Variants in VPS13A observed in about 807,000 individuals in gnomAD.
VPS13A encodes vacuolar protein sorting 13 homolog A.
Under a neutral mutation model 390.9 loss-of-function variants are expected in VPS13A, and 264 were observed. The observed-to-expected ratio is 0.68, with a 90% CI of 0.61 to 0.75. VPS13A has a LOEUF of 0.75. VPS13A is among the 30% of genes least tolerant of loss of function. VPS13A has a pLI of 0.00. For synonymous variants in VPS13A, 1,231 were observed against 1,227.1 expected, an observed-to-expected ratio of 1.00 and a Z score of -0.07; for missense variants, 3,409 against 3,733.9, an observed-to-expected ratio of 0.91 and a Z score of 2.27.
intron 13 of VPS13A, among the ~76,000 whole-genome samples, chr9:77,223,967 A>G (rs963731641): frequency 1.3e-5 from 2 of 152,144 alleles, no homozygotes; most frequent in African/African-American, 4.8e-5. Flanking sequence ...TAGTGATTTC[A>G]GGTTGAAGCC....
chr9:77,402,760 A>T (rs1174578702), intron 68 of VPS13A, among the ~76,000 whole-genome samples: 1 of 152,102 alleles, frequency 6.6e-6, no homozygotes, highest in African/African-American at 2.4e-5. Context: ...TCTGCTCTTT[A>T]TTTTTTACTA....
At chr9:77,330,385 C>T (rs76947610) in intron 45 of VPS13A, among the ~76,000 whole-genome samples, 369 of 152,230 alleles carry the variant, frequency 2.4e-3, no homozygotes, top group South Asian at 0.01. Context: ...ATGCTCATTC[C>T]GTTTTCCAGA....
intron 1 of VPS13A, among the ~76,000 whole-genome samples, chr9:77,187,836 G>T (rs1824435472): frequency 6.6e-6 from 1 of 152,124 alleles, no homozygotes; most frequent in Non-Finnish European, 1.5e-5. Flanking sequence ...GTACCCGATA[G>T]ATAGTTTTTT....
chr9:77,274,256 C>A (rs1156430314), intron 24 of VPS13A, among the ~76,000 whole-genome samples: 2 of 151,918 alleles, frequency 1.3e-5, no homozygotes, highest in Admixed American at 1.3e-4. Flanking sequence ...GGTGAAACCC[C>A]ACCTCTACTA....
At chr9:77,234,152 C>T (rs772126177) in intron 17 of VPS13A, among the ~76,000 whole-genome samples, 45 of 152,116 alleles carry the variant, frequency 3.0e-4, no homozygotes, top group Non-Finnish European at 4.6e-4. Flanking sequence ...TCACAGTTTT[C>T]TATTGAAAGA....
At position 77,208,136 on chromosome 9, in the gene VPS13A, TAAAAG is replaced by T. The variant is rs545977124; in HGVS notation, c.386-1280_386-1276del. Among the ~76,000 whole-genome samples, 59 of 152,332 alleles carry T rather than the reference TAAAAG, an allele frequency of 3.9e-4. No homozygotes were observed. In the East Asian group the frequency reaches 0.011, roughly 29 times the overall value. On this transcript the variant is annotated intron_variant, in intron 5 of 71. Coordinates refer to ENST00000360280, the MANE Select transcript of VPS13A (RefSeq NM_033305.3). ...TTAATCGAATGACTAAATGAATTTA[TAAAAG>T]AAAAGATTTTATTAGGTAGTGGTGA...
chr9:77,213,358 G>T (rs748632969), intron 9 of VPS13A, 44 bp downstream of exon 9: 1 of 1,494,616 alleles, frequency 6.7e-7, no homozygotes, highest in Non-Finnish European at 9.3e-7. Context: ...ATCATATTTT[G>T]CATGAGGTTT....
rs1225249938 is a variant in VPS13A at position 77,253,584 on chromosome 9, C to T, written c.2288+1232C>T. On this transcript the variant is annotated intron_variant, in intron 22 of 71. Coordinates refer to ENST00000360280, the MANE Select transcript of VPS13A (RefSeq NM_033305.3). ...CCTCCCAAAGTGCTGGGATTACAGGCATGAGCTGCCGCACCCGGCTGAGTT... is the reference window on the plus strand; with the variant it reads ...CCTCCCAAAGTGCTGGGATTACAGGTATGAGCTGCCGCACCCGGCTGAGTT... Among the ~76,000 whole-genome samples, 3 of 152,262 alleles carry T rather than the reference C, an allele frequency of 2.0e-5. No individual in the cohort carries two copies. The East Asian group carries it at 5.8e-4, about 30-fold the overall frequency.
chr9:77,216,217 A>G (rs936736686), intron 10 of VPS13A, among the ~76,000 whole-genome samples: 5 of 152,208 alleles, frequency 3.3e-5, no homozygotes, highest in African/African-American at 1.2e-4. Flanking sequence ...CAAAGGAAAC[A>G]TATTTAAAGA....
intron 23 of VPS13A, among the ~76,000 whole-genome samples, chr9:77,267,798 G>A (rs922158076): frequency 1.3e-5 from 2 of 152,216 alleles, no homozygotes; most frequent in African/African-American, 2.4e-5. Context: ...CTCCGTCCCA[G>A]GGAGATGGGA....
chr9:77,196,169 A>G lies in VPS13A; in HGVS notation c.101-3776A>G, dbSNP rs113358203. ...GTTACTAGAAAAGATACCTTGCATA[A>G]CGTCAATCTTTTATAATTTTACAAT... On this transcript the variant is annotated intron_variant, in intron 1 of 71. Transcript: ENST00000360280. 2.5e-3 allele frequency among the ~76,000 whole-genome samples: 382 copies of G among 152,230 alleles called. 1 individual carries two copies. The highest frequency in any genetic ancestry group is 8.6e-3 in the African/African-American group (359 of 41,526).
At chr9:77,315,156 G>T in intron 37 of VPS13A, 97 bp from the exon 38 acceptor site, 8 of 1,089,732 alleles carry the variant, frequency 7.3e-6, no homozygotes, top group Admixed American at 4.0e-5. Context: ...GCTTTTTTTT[G>T]TCAGTAAAAG....
chr9:77,306,348 T>C (rs1828738986), intron 34 of VPS13A, among the ~76,000 whole-genome samples: 1 of 151,960 alleles, frequency 6.6e-6, no homozygotes, highest in Admixed American at 6.6e-5. Flanking sequence ...AACTCAAAGA[T>C]CTTTTTTACA....
In VPS13A at chr9:77,371,176, A is replaced by T. The variant is rs755513713; in HGVS notation, c.9077+27A>T. 3.1e-6 allele frequency: 5 copies of T among 1,613,480 alleles called. No individual in the cohort carries two copies. In the East Asian group the frequency reaches 1.1e-4, roughly 36 times the overall value. On this transcript the variant is annotated intron_variant, in intron 67 of 71. Coordinates refer to ENST00000360280, the MANE Select transcript of VPS13A (RefSeq NM_033305.3). Reference sequence around the variant, plus strand: ...TAAATCCTCTTTGGTGTAAGATATGAGTTAAAATGCTGAAGCCATGAGAAA... The same window carrying T: ...TAAATCCTCTTTGGTGTAAGATATGTGTTAAAATGCTGAAGCCATGAGAAA...
intron 22 of VPS13A, among the ~76,000 whole-genome samples, chr9:77,258,666 G>A (rs1825587801): frequency 1.3e-5 from 2 of 152,062 alleles, no homozygotes; most frequent in African/African-American, 2.4e-5. Context: ...AATTTAAAGA[G>A]AAAAGGCTTA....
rs761679390 is a variant in VPS13A, at chr9:77,357,857, A to G, written c.7953+19A>G. 1.9e-6 allele frequency: 3 copies of G among 1,605,834 alleles called. No individual in the cohort carries two copies. Among genetic ancestry groups the G allele is most frequent in the East Asian group, 2.2e-5 (1 of 44,626 alleles). On this transcript the variant is annotated intron_variant, in intron 56 of 71. Transcript: ENST00000360280. ...AATACAGGTAAGTCTTTCTGAAAAT[A>G]TAGGCAAAATTGTATTCTAAAGGAA...
intron 52 of VPS13A, among the ~76,000 whole-genome samples, chr9:77,345,931 G>GT (rs905230400): frequency 1.3e-5 from 2 of 151,800 alleles, no homozygotes; most frequent in Admixed American, 6.6e-5. Context: ...AGGGATGCCT[G>GT]TTTTTTTTAA....
intron 33 of VPS13A, among the ~76,000 whole-genome samples, chr9:77,299,467 CT>C (rs1242778028): frequency 8.5e-5 from 13 of 152,280 alleles, no homozygotes; most frequent in African/African-American, 2.9e-4. Context: ...CACTTTTACA[CT>C]GTTGGTGTGC....
intron 45 of VPS13A, among the ~76,000 whole-genome samples, 153 bp downstream of exon 45, chr9:77,323,380 G>A (rs147761210): frequency 6.6e-6 from 1 of 152,136 alleles, no homozygotes; most frequent in African/African-American, 2.4e-5. Context: ...CACCAGTTGC[G>A]CTACTTGGTT....
Sources: allele counts gnomAD v4.1 joint callset (sites outside exome capture counted in the v4.1 genomes callset), GRCh38; gene constraint gnomAD v4.1.1; transcripts MANE v1.5; gene names NCBI Gene and HGNC (gene_info 2026-07-23, HGNC 2026-07-21).